Variants in VPS8 observed in about 807,000 individuals in gnomAD.
VPS8 encodes VPS8 subunit of CORVET complex, also known as vacuolar protein sorting-associated protein 8 homolog.
Under a neutral mutation model 216.4 loss-of-function variants are expected in VPS8, and 129 were observed. The ratio of observed to expected loss-of-function variants is 0.60; its 90% CI spans 0.52 to 0.69. VPS8 has a LOEUF of 0.69. Among genes scored for constraint, VPS8 ranks in the 30% least tolerant of loss-of-function variants. The pLI is 0.00. For synonymous variants in VPS8, 571 were observed against 565.4 expected (o/e 1.01, Z -0.14); for missense variants, 1,531 against 1,683.5 (o/e 0.91, Z 1.59).
intron 44 of VPS8, 90 bp from the exon 45 acceptor site, chr3:184,999,606 G>A: frequency 2.1e-6 from 3 of 1,430,184 alleles, no homozygotes; most frequent in Non-Finnish European, 1.9e-6. Context: ...ACTTGTTAGA[G>A]ATTTTTATTG....
intron 3 of VPS8, among the ~76,000 whole-genome samples, chr3:184,826,536 T>C (rs1018236424): frequency 4.6e-5 from 7 of 152,230 alleles, no homozygotes; most frequent in African/African-American, 1.2e-4. Flanking sequence ...GTAGTCTAGA[T>C]TGTGAGCTTC....
intron 32 of VPS8, among the ~76,000 whole-genome samples, chr3:184,929,275 C>T (rs916715403): frequency 1.3e-5 from 2 of 152,130 alleles, no homozygotes; most frequent in Non-Finnish European, 2.9e-5. Flanking sequence ...CTCACTGTAG[C>T]CTTAACCTCC....
chr3:185,010,157 A>G (rs1386763516), intron 45 of VPS8, among the ~76,000 whole-genome samples: 1 of 152,166 alleles, frequency 6.6e-6, no homozygotes, highest in Non-Finnish European at 1.5e-5. Flanking sequence ...AGTAGTGGGG[A>G]AAAAAATTAA....
In VPS8 at chr3:185,026,514, C is replaced by T. The variant is rs373607501; in HGVS notation, c.4056+2125C>T. ...GTAACCTCTGCCTCCCGTGTTCAAG[C>T]GATTCTCCTGCCTCAGCCTCCTGAG... On this transcript the variant is annotated intron_variant, in intron 46 of 47. Transcript: ENST00000625842. Among the ~76,000 whole-genome samples, 4 of 149,554 alleles carry T rather than the reference C, an allele frequency of 2.7e-5. No homozygotes were observed. The Admixed American group carries it at 2.7e-4, about 10-fold the overall frequency.
At chr3:185,027,343 C>A (rs570199585) in intron 46 of VPS8, among the ~76,000 whole-genome samples, 1 of 149,710 alleles carries the variant, frequency 6.7e-6, no homozygotes, top group East Asian at 2.0e-4. Context: ...CCCGGGTTCA[C>A]GCCATTCTCC....
intron 46 of VPS8, among the ~76,000 whole-genome samples, chr3:185,034,651 G>A (rs1577236785): frequency 1.3e-5 from 2 of 151,020 alleles, no homozygotes; most frequent in African/African-American, 2.4e-5. Flanking sequence ...TGTTCTGTGT[G>A]TATTGTTGCT....
intron 45 of VPS8, among the ~76,000 whole-genome samples, chr3:185,008,688 G>GAACA (rs1466812146): frequency 6.6e-6 from 1 of 152,104 alleles, no homozygotes; most frequent in Admixed American, 6.5e-5. Context: ...AGGCAAGAGA[G>GAACA]AACAGCAAGC....
intron 46 of VPS8, among the ~76,000 whole-genome samples, chr3:185,029,791 T>G (rs1664128121): frequency 2.0e-5 from 3 of 152,190 alleles, no homozygotes; most frequent in African/African-American, 7.2e-5. Context: ...CTCAAACTCC[T>G]GACCTCAAGC....
At chr3:184,986,400 G>T (rs1382074172) in intron 42 of VPS8, among the ~76,000 whole-genome samples, 1 of 152,110 alleles carries the variant, frequency 6.6e-6, no homozygotes, top group Non-Finnish European at 1.5e-5. Flanking sequence ...TAAGGAGTTT[G>T]GATTTTATTC....
At chr3:184,834,270 G>T (rs750878587) in intron 4 of VPS8, among the ~76,000 whole-genome samples, 2 of 152,156 alleles carry the variant, frequency 1.3e-5, no homozygotes, top group Non-Finnish European at 2.9e-5. Context: ...AGTTTGAATC[G>T]TGAGAAAGGA....
chr3:185,004,489 AC>A (rs1383301997), intron 45 of VPS8, among the ~76,000 whole-genome samples: 1 of 151,690 alleles, frequency 6.6e-6, no homozygotes, highest in Non-Finnish European at 1.5e-5. Context: ...GGAGAGGGAG[AC>A]CGTGGGGAGA....
intron 15 of VPS8, among the ~76,000 whole-genome samples, chr3:184,861,023 C>T (rs763915107): frequency 2.0e-5 from 3 of 152,180 alleles, no homozygotes; most frequent in Admixed American, 6.5e-5. Flanking sequence ...AGGATTTCAC[C>T]GTGTTAGCCA....
At chr3:184,842,903 C>T (rs1218778576) in intron 7 of VPS8, among the ~76,000 whole-genome samples, 1 of 151,588 alleles carries the variant, frequency 6.6e-6, no homozygotes, top group Non-Finnish European at 1.5e-5. Context: ...GATGTTTCCC[C>T]ATCCCAGGGT....
At chr3:184,836,175 C>CATGAAGTGA in intron 5 of VPS8, 3 of 441,900 alleles carry the variant, frequency 6.8e-6, no homozygotes, top group South Asian at 4.9e-5. Context: ...GCTCATATAT[C>CATGAAGTGA]ATGAAGTGAA....
At chr3:185,018,184 A>C (rs1389073543) in intron 45 of VPS8, among the ~76,000 whole-genome samples, 1 of 152,240 alleles carries the variant, frequency 6.6e-6, no homozygotes, top group African/African-American at 2.4e-5. Flanking sequence ...AACAGGTCGC[A>C]GAGCAGCCTG....
intron 28 of VPS8, among the ~76,000 whole-genome samples, chr3:184,915,985 C>T (rs1157299638): frequency 6.6e-6 from 1 of 152,086 alleles, no homozygotes; most frequent in Admixed American, 6.6e-5. Context: ...CTCCCTCCCT[C>T]CTTCTATCCC....
chr3:185,043,334 G>A (rs1357786089), intron 46 of VPS8, among the ~76,000 whole-genome samples: 3 of 152,084 alleles, frequency 2.0e-5, no homozygotes, highest in African/African-American at 7.2e-5. Context: ...AAACACAAAC[G>A]CAGCTAGCAG....
Position 184,866,964 on chromosome 3 carries a change from C to G in VPS8, c.1470+14C>G, listed in dbSNP as rs576661941. On this transcript the variant is annotated intron_variant, in intron 17 of 47. Coordinates refer to ENST00000625842, the MANE Select transcript of VPS8 (RefSeq NM_001009921.3). The stretch of plus-strand genomic sequence containing the variant: ...TTGGGGACAAAAGTAAGCTCTTTTA[C>G]TCTGTGAGTTGGTATTTGTATGTAT... The G allele has an allele frequency of 6.2e-7, 1 of 1,610,546 alleles. No homozygotes were observed. Among genetic ancestry groups the G allele is most frequent in the East Asian group, 2.2e-5 (1 of 44,768 alleles).
intron 8 of VPS8, 91 bp from the exon 9 acceptor site, chr3:184,848,980 T>G (rs1316276464): frequency 1.4e-5 from 19 of 1,393,090 alleles, no homozygotes; most frequent in Non-Finnish European, 1.9e-5. Flanking sequence ...TTGATTCTTG[T>G]CACCTCCCAA....
Sources: allele counts gnomAD v4.1 joint callset (sites outside exome capture counted in the v4.1 genomes callset), GRCh38; gene constraint gnomAD v4.1.1; transcripts MANE v1.5; gene names NCBI Gene and HGNC (gene_info 2026-07-23, HGNC 2026-07-21).